Variants in FAM227B observed in about 807,000 individuals in gnomAD.
FAM227B encodes the protein family with sequence similarity 227 member B.
FAM227B carries 88 observed loss-of-function variants against 73.8 expected under a neutral mutation model. The observed-to-expected ratio is 1.19, with a 90% confidence interval of 1.00 to 1.42. FAM227B has a LOEUF of 1.42. FAM227B is among the 40% of genes most tolerant of loss of function. The pLI, the probability that FAM227B is intolerant of heterozygous loss-of-function variation, is 0.00. For synonymous variants in FAM227B, 210 were observed against 190.5 expected (o/e 1.10, Z -0.84); for missense variants, 632 against 590.9 (o/e 1.07, Z -0.72).
chr15:49,540,707 G>C (rs2070944184), intron 10 of FAM227B, among the ~76,000 whole-genome samples: 1 of 152,184 alleles, frequency 6.6e-6, no homozygotes, highest in Non-Finnish European at 1.5e-5. Flanking sequence ...ATTTACTTCA[G>C]CATATGAATT....
chr15:49,612,747 T>C (rs1048365383), intron 2 of FAM227B, among the ~76,000 whole-genome samples: 8 of 152,116 alleles, frequency 5.3e-5, no homozygotes, highest in Non-Finnish European at 8.8e-5. Flanking sequence ...TATCAATATA[T>C]AAAGTGGTCA....
At chr15:49,328,953 A>T (rs2038045619) in intron 15 of FAM227B, 1 of 1,101,352 alleles carries the variant, frequency 9.1e-7, no homozygotes, top group East Asian at 4.8e-5. Flanking sequence ...TTCACATTGA[A>T]ATAAAGAATT....
chr15:49,396,352 A>G (rs922128297), intron 11 of FAM227B: 9 of 294,258 alleles, frequency 3.1e-5, no homozygotes, highest in African/African-American at 1.2e-4. Context: ...TCCTACGCCC[A>G]CGGAGTCTCG....
intron 2 of FAM227B, among the ~76,000 whole-genome samples, chr15:49,613,613 TAA>T (rs2078097511): frequency 6.6e-6 from 1 of 152,198 alleles, no homozygotes; most frequent in East Asian, 1.9e-4. Flanking sequence ...TTAAAATAAA[TAA>T]AAGAGTATAA....
At chr15:49,443,688 A>G (rs2051895441) in intron 11 of FAM227B, among the ~76,000 whole-genome samples, 1 of 151,854 alleles carries the variant, frequency 6.6e-6, no homozygotes, top group Admixed American at 6.6e-5. Flanking sequence ...TCATTCATTT[A>G]CCTTCTTCTT....
intron 13 of FAM227B, chr15:49,366,136 C>G: frequency 1.0e-6 from 1 of 979,690 alleles, no homozygotes; most frequent in Non-Finnish European, 1.7e-6. Context: ...CACCTAATGC[C>G]ACAGTGAACA....
At chr15:49,579,634 G>C (rs1288150042) in intron 5 of FAM227B, among the ~76,000 whole-genome samples, 1 of 152,156 alleles carries the variant, frequency 6.6e-6, no homozygotes, top group Non-Finnish European at 1.5e-5. Flanking sequence ...CAGAGGCTGT[G>C]AGAAGGGTGT....
At chr15:49,578,309 T>G (rs2075591363) in intron 5 of FAM227B, among the ~76,000 whole-genome samples, 1 of 152,204 alleles carries the variant, frequency 6.6e-6, no homozygotes, top group African/African-American at 2.4e-5. Flanking sequence ...ACAGCACTCT[T>G]AGGCCCTAGA....
chr15:49,338,207 GT>G (rs1442504078), intron 13 of FAM227B, among the ~76,000 whole-genome samples: 17 of 152,270 alleles, frequency 1.1e-4, no homozygotes, highest in African/African-American at 3.8e-4. Flanking sequence ...CGTTAATTAT[GT>G]AGTTTCTTTA....
At chr15:49,354,227 T>A (rs2042691241) in intron 13 of FAM227B, among the ~76,000 whole-genome samples, 2 of 151,818 alleles carry the variant, frequency 1.3e-5, no homozygotes, top group Admixed American at 1.3e-4. Flanking sequence ...TTAAAAAGTC[T>A]GTGTATGGGG....
At chr15:49,338,653 C>G (rs1034448158) in intron 13 of FAM227B, among the ~76,000 whole-genome samples, 1 of 150,854 alleles carries the variant, frequency 6.6e-6, no homozygotes, top group African/African-American at 2.4e-5. Flanking sequence ...TCTGTATTTC[C>G]TGAATTTGAA....
chr15:49,574,309 C>T (rs1343794974), intron 8 of FAM227B, among the ~76,000 whole-genome samples: 3 of 152,032 alleles, frequency 2.0e-5, no homozygotes, highest in African/African-American at 7.2e-5. Context: ...TATGGTTTGG[C>T]TCTGTCTCCC....
chr15:49,366,696 G>A, intron 13 of FAM227B: 1 of 1,429,516 alleles, frequency 7.0e-7, no homozygotes, highest in South Asian at 1.1e-5. Context: ...GGACTGGTGG[G>A]TGGCGGGTGG....
intron 13 of FAM227B, chr15:49,366,546 G>A: frequency 6.4e-7 from 1 of 1,571,806 alleles, no homozygotes. Flanking sequence ...GACCAATGGG[G>A]GTTATAAAGC....
chr15:49,613,417 C>T (rs1256457378), intron 2 of FAM227B, among the ~76,000 whole-genome samples: 1 of 152,098 alleles, frequency 6.6e-6, no homozygotes, highest in Non-Finnish European at 1.5e-5. Flanking sequence ...GAGAGAATCG[C>T]TTGAACCCCA....
intron 9 of FAM227B, among the ~76,000 whole-genome samples, chr15:49,545,368 G>C (rs1265938819): frequency 6.6e-6 from 1 of 152,054 alleles, no homozygotes; most frequent in Non-Finnish European, 1.5e-5. Context: ...TTCTAATTGA[G>C]CTTACTTGGA....
At chr15:49,582,353 C>T (rs973934344) in intron 5 of FAM227B, among the ~76,000 whole-genome samples, 1 of 152,132 alleles carries the variant, frequency 6.6e-6, no homozygotes, top group East Asian at 1.9e-4. Flanking sequence ...ACAAAACAGA[C>T]TTTAAACCAA....
intron 11 of FAM227B, among the ~76,000 whole-genome samples, chr15:49,489,875 T>TAGAG (rs71120686): frequency 2.9e-4 from 5 of 17,172 alleles, no homozygotes; most frequent in Admixed American, 1.4e-3. Flanking sequence ...TATATATATA[T>TAGAG]ATATATATAG....
At chr15:49,464,218 G>T (rs534517735) in intron 11 of FAM227B, among the ~76,000 whole-genome samples, 3 of 151,816 alleles carry the variant, frequency 2.0e-5, no homozygotes, top group Admixed American at 6.6e-5. Flanking sequence ...TTTAAAAAGC[G>T]GTGATTCTGA....
Sources: gnomAD v4.1 joint callset for allele counts (sites outside exome capture counted in the v4.1 genomes callset) on GRCh38, gnomAD v4.1.1 for gene constraint, MANE v1.5 for transcripts, NCBI Gene and HGNC (gene_info 2026-07-23, HGNC 2026-07-21) for gene names.